Variants in ARHGAP6 observed in about 807,000 individuals in gnomAD.
ARHGAP6 encodes rho GTPase-activating protein 6.
ARHGAP6 carries 16 observed loss-of-function variants against 55.7 expected under a neutral mutation model. The ratio of observed to expected loss-of-function variants is 0.29; its 90% CI spans 0.19 to 0.44. ARHGAP6 has a LOEUF of 0.44. ARHGAP6 is among the 20% of genes least tolerant of loss of function. The pLI is 1.00. For missense variants in ARHGAP6, 698 were observed against 808.9 expected (o/e 0.86, Z 1.66); for synonymous variants, 382 against 360.9 (o/e 1.06, Z -0.66).
chrX:11,322,279 T>C (rs1433474275), intron 1 of ARHGAP6, among the ~76,000 whole-genome samples: 1 of 111,639 alleles, frequency 9.0e-6, no homozygotes, highest in African/African-American at 3.3e-5. Context: ...CCCTCCCAAA[T>C]GTGACCACAA....
intron 1 of ARHGAP6, among the ~76,000 whole-genome samples, chrX:11,646,839 TA>T (rs1224049440): frequency 8.9e-6 from 1 of 112,605 alleles, no homozygotes; most frequent in East Asian, 2.8e-4. Flanking sequence ...ATATCTGATT[TA>T]ATCTACAAAT....
At chrX:11,566,580 T>C (rs1305216546) in intron 1 of ARHGAP6, among the ~76,000 whole-genome samples, 3 of 112,514 alleles carry the variant, frequency 2.7e-5, no homozygotes, top group African/African-American at 9.7e-5. Flanking sequence ...CTTGGTTTTC[T>C]CTATCATTAA....
At chrX:11,661,287 A>G (rs983582599) in intron 1 of ARHGAP6, among the ~76,000 whole-genome samples, 1 of 112,381 alleles carries the variant, frequency 8.9e-6, no homozygotes, top group Non-Finnish European at 1.9e-5. Context: ...GTTACCACGT[A>G]CCATTTACCC....
At chrX:11,199,511 G>A (rs938246953) in intron 2 of ARHGAP6, among the ~76,000 whole-genome samples, 1 of 112,007 alleles carries the variant, frequency 8.9e-6, no homozygotes, top group Non-Finnish European at 1.9e-5. Flanking sequence ...ACCACTCCAG[G>A]GTGTATATGT....
chrX:11,613,301 G>A lies in ARHGAP6; in HGVS notation c.588+50940C>T, dbSNP rs534405745. 1.2e-3 allele frequency among the ~76,000 whole-genome samples: 137 copies of A among 112,522 alleles called. No homozygotes were observed. In the South Asian group the frequency reaches 0.048, roughly 40 times the overall value. ...TCATTTGATATAACCTCTGAGGATA[G>A]GCTACCTTTTGGCCACCATGGAAAT... On this transcript the variant is annotated intron_variant, in intron 1 of 12. Transcript: ENST00000337414.
chrX:11,228,846 C>A (rs769562273), intron 2 of ARHGAP6, among the ~76,000 whole-genome samples: 1 of 112,010 alleles, frequency 8.9e-6, no homozygotes, highest in African/African-American at 3.2e-5. Flanking sequence ...TACACTAAAC[C>A]ACATGACAGT....
intron 1 of ARHGAP6, among the ~76,000 whole-genome samples, chrX:11,580,473 T>C (rs1040574644): frequency 4.5e-5 from 5 of 111,804 alleles, no homozygotes; most frequent in Non-Finnish European, 5.6e-5. Context: ...AAGAGGATGA[T>C]GAATAATCTT....
At chrX:11,289,024 C>T (rs747717991) in intron 1 of ARHGAP6, among the ~76,000 whole-genome samples, 1 of 112,251 alleles carries the variant, frequency 8.9e-6, no homozygotes, top group East Asian at 2.8e-4. Flanking sequence ...CTGACAGTTA[C>T]CAGTTAATTA....
intron 8 of ARHGAP6, among the ~76,000 whole-genome samples, chrX:11,174,573 C>CCTTCCTTT (rs1491543420): frequency 0.062 from 2,627 of 42,057 alleles, 159 homozygotes; most frequent in Middle Eastern, 0.1. Context: ...TTCCTTCCTT[C>CCTTCCTTT]CTTTCTTTCT....
At chrX:11,443,775 A>G (rs944154891) in intron 1 of ARHGAP6, among the ~76,000 whole-genome samples, 1 of 111,161 alleles carries the variant, frequency 9.0e-6, no homozygotes, top group Non-Finnish European at 1.9e-5. Context: ...AAAAATACAA[A>G]AAATTAGCCG....
At chrX:11,555,352 A>G (rs763710728) in intron 1 of ARHGAP6, among the ~76,000 whole-genome samples, 1 of 111,344 alleles carries the variant, frequency 9.0e-6, no homozygotes, top group Non-Finnish European at 1.9e-5. Context: ...GCAAAGAAAA[A>G]TAAAGCTGGA....
At chrX:11,415,740 T>C (rs1043471121) in intron 1 of ARHGAP6, among the ~76,000 whole-genome samples, 2 of 112,004 alleles carry the variant, frequency 1.8e-5, no homozygotes, top group African/African-American at 3.2e-5. Flanking sequence ...CCACTTGCCA[T>C]CTTGTGCCTT....
At chrX:11,354,952 A>C (rs767290697) in intron 1 of ARHGAP6, among the ~76,000 whole-genome samples, 1 of 112,035 alleles carries the variant, frequency 8.9e-6, no homozygotes, top group South Asian at 3.7e-4. Context: ...TGTAATTTAT[A>C]TATAATAATT....
At chrX:11,569,366 T>A (rs899676301) in intron 1 of ARHGAP6, among the ~76,000 whole-genome samples, 2 of 111,102 alleles carry the variant, frequency 1.8e-5, no homozygotes, top group East Asian at 5.7e-4. Context: ...TGCTAAAAGG[T>A]TAACATGGAA....
chrX:11,151,846 G>A (rs756132000), intron 10 of ARHGAP6, among the ~76,000 whole-genome samples: 1 of 111,847 alleles, frequency 8.9e-6, no homozygotes, highest in East Asian at 2.8e-4. Flanking sequence ...GTGAACTGGT[G>A]GCAGAGAACA....
At chrX:11,197,582 T>A (rs986247626) in intron 2 of ARHGAP6, among the ~76,000 whole-genome samples, 7 of 112,350 alleles carry the variant, frequency 6.2e-5, no homozygotes, top group Non-Finnish European at 1.1e-4. Context: ...ATAGGGAGTC[T>A]AACACAGTTC....
At chrX:11,517,873 G>A (rs990501347) in intron 1 of ARHGAP6, among the ~76,000 whole-genome samples, 6 of 110,948 alleles carry the variant, frequency 5.4e-5, no homozygotes, top group Non-Finnish European at 1.1e-4. Context: ...CGCATCCTGG[G>A]CTTAATACCT....
At chrX:11,497,772 C>T (rs1403032198) in intron 1 of ARHGAP6, among the ~76,000 whole-genome samples, 2 of 110,578 alleles carry the variant, frequency 1.8e-5, no homozygotes, top group East Asian at 5.6e-4. Flanking sequence ...TGAGCTAAGA[C>T]AGAGTTCATG....
At chrX:11,389,669 A>G (rs184871803) in intron 1 of ARHGAP6, among the ~76,000 whole-genome samples, 40 of 112,419 alleles carry the variant, frequency 3.6e-4, no homozygotes, top group Non-Finnish European at 6.6e-4. Flanking sequence ...TTTGTAGGGG[A>G]AAAAAAGGCT....
Sources: allele counts gnomAD v4.1 joint callset (sites outside exome capture counted in the v4.1 genomes callset), GRCh38; gene constraint gnomAD v4.1.1; transcripts MANE v1.5; gene names NCBI Gene and HGNC (gene_info 2026-07-23, HGNC 2026-07-21).